Variants in SLC35G2 observed in about 807,000 individuals in gnomAD.
SLC35G2 encodes solute carrier family 35 member G2.
In SLC35G2, 20 loss-of-function variants were observed where a neutral mutation model predicts 27.2. That is an observed-to-expected ratio of 0.74 (90% CI 0.52 to 1.07). SLC35G2 has a LOEUF of 1.07. Among genes scored for constraint, SLC35G2 ranks in the 50% least tolerant of loss-of-function variants. The pLI is 0.00. For synonymous variants in SLC35G2, 148 were observed against 165.3 expected (o/e 0.90, Z 0.80); for missense variants, 416 against 493.3 (o/e 0.84, Z 1.48).
At chr3:136,821,565 G>C (rs113882645) in intron 1 of SLC35G2, among the ~76,000 whole-genome samples, 87 of 152,206 alleles carry the variant, frequency 5.7e-4, no homozygotes, top group African/African-American at 1.9e-3. Flanking sequence ...TCCTGCCTCA[G>C]CCTCTTGAGT....
At chr3:136,845,123 TATC>T (rs544904128) in intron 1 of SLC35G2, among the ~76,000 whole-genome samples, 88 of 152,340 alleles carry the variant, frequency 5.8e-4, no homozygotes, top group African/African-American at 2.1e-3. Flanking sequence ...TAATGTTTGA[TATC>T]ATTTTTGTAA....
intron 1 of SLC35G2, among the ~76,000 whole-genome samples, chr3:136,827,200 T>G (rs976393813): frequency 1.3e-5 from 2 of 151,990 alleles, no homozygotes; most frequent in African/African-American, 2.4e-5. Context: ...TATTATTTAT[T>G]TTCTTCTACT....
chr3:136,846,000 G>C (rs1937360382), intron 1 of SLC35G2, among the ~76,000 whole-genome samples: 1 of 151,992 alleles, frequency 6.6e-6, no homozygotes, highest in Admixed American at 6.6e-5. Flanking sequence ...ATTTACATTT[G>C]AAAGGGTGGA....
Position 136,855,447 on chromosome 3 carries a change from T to C in SLC35G2, c.987T>C (p.Thr329=), listed in dbSNP as rs1375926733. The change falls in exon 2 of 2, where the codon ACT becomes ACC. Residue 329 remains threonine (T), a synonymous_variant. Transcript: ENST00000446465. ...TCATTGCTATATGTGTCTGTTCTAC[T>C]GCAGCATTCTTAGGAGTTTATTATG... ...SYLIAICVCS[T]AAFLGVYYAL... is the part of the protein sequence containing the mutation. 1.2e-6 allele frequency: 2 copies of C among 1,614,090 alleles called. No homozygotes were observed. Among genetic ancestry groups the C allele is most frequent in the African/African-American group, 2.7e-5 (2 of 74,938 alleles).
At chr3:136,821,711 C>A (rs764761192) in intron 1 of SLC35G2, among the ~76,000 whole-genome samples, 1 of 152,174 alleles carries the variant, frequency 6.6e-6, no homozygotes, top group African/African-American at 2.4e-5. Flanking sequence ...GGATTACAGG[C>A]GTATGCCACT....
chr3:136,842,335 GTCTT>G (rs1202253520), intron 1 of SLC35G2: 4 of 152,138 alleles, frequency 2.6e-5, no homozygotes, highest in African/African-American at 7.2e-5. Context: ...AGGGTTCAAC[GTCTT>G]TCTTATTTTC....
At position 136,840,972 on chromosome 3, in the gene SLC35G2, C is replaced by G. The variant is rs548361726; in HGVS notation, c.-18-13471C>G. Among the ~76,000 whole-genome samples the G allele has an allele frequency of 7.5e-5, 11 of 147,634 alleles. No individual in the cohort carries two copies. In the South Asian group the frequency reaches 2.4e-3, roughly 32 times the overall value. ...TTGAGATAGGGTCTCACTCTGTTTC[C>G]CAGGCTGGAGTATAGTGATGCGATT... On this transcript the variant is annotated intron_variant, in intron 1 of 1. Coordinates refer to ENST00000446465, the MANE Select transcript of SLC35G2 (RefSeq NM_025246.3).
chr3:136,834,301 C>T (rs1212606950), intron 1 of SLC35G2, among the ~76,000 whole-genome samples: 1 of 152,146 alleles, frequency 6.6e-6, no homozygotes, highest in Non-Finnish European at 1.5e-5. Context: ...GAGCCAGAGT[C>T]AACTCATCCC....
intron 1 of SLC35G2, chr3:136,842,510 T>G (rs1463005972): frequency 1.3e-5 from 2 of 152,146 alleles, no homozygotes; most frequent in African/African-American, 4.8e-5. Flanking sequence ...CAGACCAGAC[T>G]GGGGGAGGGG....
chr3:136,842,746 T>C (rs957179070), intron 1 of SLC35G2: 1 of 152,256 alleles, frequency 6.6e-6, no homozygotes, highest in South Asian at 2.1e-4. Flanking sequence ...TTATTAAATG[T>C]GCTCTGGGTG....
chr3:136,822,282 C>T lies in SLC35G2; in HGVS notation c.-19+2654C>T, dbSNP rs189275859. Among the ~76,000 whole-genome samples the T allele has an allele frequency of 3.2e-4, 48 of 152,214 alleles. 1 individual carries two copies. Among genetic ancestry groups the T allele is most frequent in the African/African-American group, 1.1e-3 (44 of 41,532 alleles). On this transcript the variant is annotated intron_variant, in intron 1 of 1. Coordinates refer to ENST00000446465, the MANE Select transcript of SLC35G2 (RefSeq NM_025246.3). ...CCCCAACTCTCTCTCACTACCCTTC[C>T]CAGCTCTGGTAACCACCATCCTTCT...
chr3:136,838,299 TG>T (rs1936951111), intron 1 of SLC35G2: 1 of 146,564 alleles, frequency 6.8e-6, no homozygotes, highest in African/African-American at 2.6e-5. Context: ...ACACACAACG[TG>T]TGTGTGCTTG....
intron 1 of SLC35G2, among the ~76,000 whole-genome samples, chr3:136,843,678 A>G (rs1049323171): frequency 6.6e-6 from 1 of 151,856 alleles, no homozygotes; most frequent in Non-Finnish European, 1.5e-5. Context: ...CAAGGCTGTA[A>G]TCCCAGCACT....
intron 1 of SLC35G2, among the ~76,000 whole-genome samples, chr3:136,836,752 C>A (rs991174554): frequency 1.3e-5 from 2 of 152,170 alleles, no homozygotes; most frequent in Non-Finnish European, 2.9e-5. Context: ...CCAGCACCAC[C>A]AGTGCTATAA....
At chr3:136,824,894 A>G (rs1448930899) in intron 1 of SLC35G2, among the ~76,000 whole-genome samples, 1 of 151,874 alleles carries the variant, frequency 6.6e-6, no homozygotes. Flanking sequence ...TGTTATCCCT[A>G]CCCCAGCCCC....
chr3:136,822,578 G>A (rs2107993566), intron 1 of SLC35G2, among the ~76,000 whole-genome samples: 1 of 152,310 alleles, frequency 6.6e-6, no homozygotes, highest in Non-Finnish European at 1.5e-5. Flanking sequence ...GCCTCCCAAA[G>A]TGCTGGGATT....
At chr3:136,830,104 C>CTTTT (rs71134418) in intron 1 of SLC35G2, among the ~76,000 whole-genome samples, 39 of 88,792 alleles carry the variant, frequency 4.4e-4, no homozygotes, top group Middle Eastern at 9.1e-3. Context: ...TACATTATTT[C>CTTTT]TTTTTTTTTT....
chr3:136,822,850 T>G (rs1007523090), intron 1 of SLC35G2, among the ~76,000 whole-genome samples: 1 of 152,248 alleles, frequency 6.6e-6, no homozygotes, highest in African/African-American at 2.4e-5. Flanking sequence ...TTGGCTATTG[T>G]GAACAGTGCG....
chr3:136,840,964 T>G (rs905010355), intron 1 of SLC35G2, among the ~76,000 whole-genome samples: 2 of 139,202 alleles, frequency 1.4e-5, no homozygotes, highest in Admixed American at 1.5e-4. Context: ...AGGGTCTCAC[T>G]CTGTTTCCCA....
Sources: gnomAD v4.1 joint callset for allele counts (sites outside exome capture counted in the v4.1 genomes callset) on GRCh38, gnomAD v4.1.1 for gene constraint, MANE v1.5 for transcripts, NCBI Gene and HGNC (gene_info 2026-07-23, HGNC 2026-07-21) for gene names.